Variants in UST observed in about 807,000 individuals in gnomAD.
The protein encoded by UST is chondroitin sulfate 2-O-sulfotransferase.
Under a neutral mutation model 45.6 loss-of-function variants are expected in UST, and 21 were observed. The ratio of observed to expected loss-of-function variants is 0.46; its 90% CI spans 0.33 to 0.66. The LOEUF is 0.66. Among genes scored for constraint, UST ranks in the 30% least tolerant of loss-of-function variants. The probability of loss-of-function intolerance (pLI) is 0.02; values close to 1 mark genes in which losing one functional copy is unlikely to be tolerated. For missense variants in UST, 463 were observed against 512.4 expected (o/e 0.90, Z 0.93); for synonymous variants, 215 against 200.6 (o/e 1.07, Z -0.61).
At chr6:148,880,512 G>C (rs1421487835) in intron 1 of UST, among the ~76,000 whole-genome samples, 3 of 152,208 alleles carry the variant, frequency 2.0e-5, no homozygotes, top group African/African-American at 7.2e-5. Flanking sequence ...GCCATGCAGA[G>C]ACTCAGGTAG....
intron 5 of UST, among the ~76,000 whole-genome samples, chr6:149,007,392 A>G (rs1038577768): frequency 2.7e-5 from 4 of 147,000 alleles, no homozygotes; most frequent in Non-Finnish European, 4.5e-5. Flanking sequence ...GGTTCACACC[A>G]TTCTCCTGCC....
chr6:148,864,300 A>G (rs1778382453), intron 1 of UST, among the ~76,000 whole-genome samples: 1 of 152,186 alleles, frequency 6.6e-6, no homozygotes, highest in Non-Finnish European at 1.5e-5. Flanking sequence ...GGACCCTCCG[A>G]GCCAGGCGTG....
intron 7 of UST, among the ~76,000 whole-genome samples, chr6:149,056,433 A>G (rs983002430): frequency 6.6e-6 from 1 of 152,146 alleles, no homozygotes; most frequent in Admixed American, 6.5e-5. Context: ...AGTCATAGCC[A>G]TGATACCCAG....
chr6:149,063,618 G>A (rs1193503679), intron 7 of UST, among the ~76,000 whole-genome samples: 2 of 152,148 alleles, frequency 1.3e-5, no homozygotes, highest in Non-Finnish European at 2.9e-5. Flanking sequence ...AGGAATTTCT[G>A]TGAAACTCCT....
At chr6:149,023,104 GTGTGT>G (rs1776002086) in intron 7 of UST, among the ~76,000 whole-genome samples, 3 of 5,234 alleles carry the variant, frequency 5.7e-4, no homozygotes, top group African/African-American at 9.6e-4. Flanking sequence ...GTTCTATGGT[GTGTGT>G]GTGTGTGTGT....
At chr6:148,941,519 G>T in intron 3 of UST, 85 bp downstream of exon 3, 1 of 1,404,736 alleles carries the variant, frequency 7.1e-7, no homozygotes, top group South Asian at 1.4e-5. Flanking sequence ...TCATCCTTCA[G>T]ACTCCTGATG....
chr6:148,847,079 T>G (rs1778004831), intron 1 of UST, among the ~76,000 whole-genome samples: 1 of 152,276 alleles, frequency 6.6e-6, no homozygotes, highest in Non-Finnish European at 1.5e-5. Flanking sequence ...TGTCTTAGCT[T>G]GTCGACCTCT....
At chr6:148,862,142 G>A (rs1778330025) in intron 1 of UST, among the ~76,000 whole-genome samples, 1 of 152,154 alleles carries the variant, frequency 6.6e-6, no homozygotes, top group South Asian at 2.1e-4. Context: ...AAGTCTCTTT[G>A]TGGGTCTCTA....
intron 1 of UST, among the ~76,000 whole-genome samples, chr6:148,811,878 C>T (rs1310931248): frequency 6.6e-6 from 1 of 152,200 alleles, no homozygotes; most frequent in Non-Finnish European, 1.5e-5. Flanking sequence ...ATACATCTCA[C>T]CTCTTGGTGC....
At chr6:148,856,845 C>T (rs1017712367) in intron 1 of UST, among the ~76,000 whole-genome samples, 8 of 151,968 alleles carry the variant, frequency 5.3e-5, no homozygotes, top group Non-Finnish European at 1.5e-5. Context: ...CTGACTTTCT[C>T]TTTTTTCCTC....
At chr6:148,955,573 TG>T (rs2114943227) in intron 4 of UST, 1 of 152,360 alleles carries the variant, frequency 6.6e-6, no homozygotes, top group East Asian at 1.9e-4. Context: ...GGCTTGTTAC[TG>T]GATTATCCAG....
At chr6:149,010,596 A>T (rs1192704494) in intron 5 of UST, among the ~76,000 whole-genome samples, 5 of 152,090 alleles carry the variant, frequency 3.3e-5, no homozygotes, top group African/African-American at 1.2e-4. Context: ...ATTTCAGCAT[A>T]AAACTGTGAC....
At chr6:149,064,632 C>T (rs953124212) in intron 7 of UST, among the ~76,000 whole-genome samples, 9 of 152,180 alleles carry the variant, frequency 5.9e-5, no homozygotes, top group Admixed American at 5.9e-4. Context: ...ACGAGAAGCA[C>T]TTACTCTCTA....
intron 1 of UST, among the ~76,000 whole-genome samples, chr6:148,876,787 G>T (rs989528166): frequency 5.9e-5 from 9 of 151,506 alleles, no homozygotes; most frequent in Non-Finnish European, 1.3e-4. Flanking sequence ...TTCTCTATTG[G>T]ATTCACGTGG....
chr6:148,911,528 T>C (rs1250596606), intron 2 of UST, among the ~76,000 whole-genome samples: 1 of 152,208 alleles, frequency 6.6e-6, no homozygotes, highest in Non-Finnish European at 1.5e-5. Flanking sequence ...TAGCAATCTT[T>C]GGTTCTGTTG....
chr6:149,046,916 G>A lies in UST; in HGVS notation c.937+25435G>A, dbSNP rs188364944. On this transcript the variant is annotated intron_variant, in intron 7 of 7. Transcript: ENST00000367463. ...GACTCTACTGGCTTCAGCTTTTCTG[G>A]TGGCAGTAGAATTGCCCATCTAGTG... 3.2e-4 allele frequency among the ~76,000 whole-genome samples: 48 copies of A among 152,288 alleles called. 1 individual carries two copies. In the South Asian group the frequency reaches 4.6e-3, roughly 14 times the overall value.
At chr6:148,891,369 T>C (rs1779015014) in intron 2 of UST, among the ~76,000 whole-genome samples, 1 of 152,166 alleles carries the variant, frequency 6.6e-6, no homozygotes. Context: ...ACCCCATAGA[T>C]AAGGAGAGCT....
intron 1 of UST, among the ~76,000 whole-genome samples, chr6:148,778,495 A>AC (rs1281037424): frequency 1.3e-5 from 2 of 152,230 alleles, no homozygotes; most frequent in Non-Finnish European, 2.9e-5. Flanking sequence ...GACTAATTCT[A>AC]CAACGGTGCC....
intron 1 of UST, among the ~76,000 whole-genome samples, chr6:148,772,756 A>G (rs959683801): frequency 3.3e-5 from 5 of 152,104 alleles, no homozygotes. Flanking sequence ...CCCCATCCCT[A>G]AGACATGAGA....
Sources: allele counts gnomAD v4.1 joint callset (sites outside exome capture counted in the v4.1 genomes callset), GRCh38; gene constraint gnomAD v4.1.1; transcripts MANE v1.5; gene names NCBI Gene and HGNC (gene_info 2026-07-23, HGNC 2026-07-21).